NXN: variants seen among roughly 807,000 people sequenced by gnomAD.
The protein encoded by NXN is nucleoredoxin 1.
NXN carries 16 observed loss-of-function variants against 48.6 expected under a neutral mutation model. That is an observed-to-expected ratio of 0.33 (90% CI 0.22 to 0.50). The LOEUF (loss-of-function observed/expected upper bound fraction) is 0.50, where lower values mean the gene tolerates loss of function less well. NXN is among the 20% of genes least tolerant of loss of function. NXN has a pLI of 0.98. For missense variants in NXN, 492 were observed against 605.5 expected (o/e 0.81, Z 1.97); for synonymous variants, 281 against 269.6 (o/e 1.04, Z -0.41).
intron 5 of NXN, among the ~76,000 whole-genome samples, chr17:812,662 A>G (rs1912156967): frequency 6.8e-6 from 1 of 146,896 alleles, no homozygotes; most frequent in African/African-American, 2.6e-5. Context: ...GTGTGACTGT[A>G]GGTGTGTGTG....
Position 956,145 on chromosome 17 carries a change from C to T in NXN, c.360+23174G>A, listed in dbSNP as rs577783959. On this transcript the variant is annotated intron_variant, in intron 1 of 7. Coordinates refer to ENST00000336868, the MANE Select transcript of NXN (RefSeq NM_022463.5). The surrounding 1 kb of genome is among the most constrained non-coding windows in gnomAD (Gnocchi z 4.1). ...GACAGCACCAATAAACACTGAGACT[C>T]ACCTTTCTGCTTGGAATTCCAAACC... Among the ~76,000 whole-genome samples the T allele has an allele frequency of 8.5e-5, 13 of 152,256 alleles. No homozygotes were observed. The highest frequency in any genetic ancestry group is 8.5e-4 in the Admixed American group (13 of 15,282).
intron 1 of NXN, among the ~76,000 whole-genome samples, chr17:914,493 G>A (rs74251949): frequency 0.017 from 2,601 of 152,260 alleles, 77 homozygotes; most frequent in East Asian, 0.14. Context: ...TTTTTAAGGC[G>A]AGAAGTATGC....
chr17:893,376 C>A (rs1246126665), intron 1 of NXN, among the ~76,000 whole-genome samples: 2 of 152,230 alleles, frequency 1.3e-5, no homozygotes, highest in Non-Finnish European at 2.9e-5. Context: ...TCCTCCGGTC[C>A]CAGCTTAAAA....
chr17:809,026 G>A (rs1464617879), intron 5 of NXN, among the ~76,000 whole-genome samples: 1 of 151,914 alleles, frequency 6.6e-6, no homozygotes, highest in African/African-American at 2.4e-5. Context: ...TCGTGAGAAG[G>A]CAGACATACG....
chr17:900,836 G>T lies in NXN; in HGVS notation c.361-74758C>A, dbSNP rs140948960. On this transcript the variant is annotated intron_variant, in intron 1 of 7. Transcript: ENST00000336868. ...GACGTTATAAATGACCCAATCTGCA[G>T]GGCTGGAAGCATCTTCTGGGAGGCA... 5.4e-4 allele frequency among the ~76,000 whole-genome samples: 82 copies of T among 151,834 alleles called. 1 individual carries two copies. The highest frequency in any genetic ancestry group is 1.9e-3 in the African/African-American group (80 of 41,446).
At chr17:863,312 T>C (rs994815748) in intron 1 of NXN, among the ~76,000 whole-genome samples, 9 of 150,342 alleles carry the variant, frequency 6.0e-5, no homozygotes, top group Admixed American at 4.6e-4. Context: ...GAACTACAGG[T>C]GCCCGCCACC....
At position 825,858 on chromosome 17, in the gene NXN, T is replaced by G; in HGVS notation, c.478+103A>C. On this transcript the variant is annotated intron_variant, in intron 2 of 7. Transcript: ENST00000336868. This position sits in a 1 kb window ranked among gnomAD's most constrained non-coding sequence, Gnocchi z 4.1. ...ACCACGTAAACCCACGTGTATCTAT[T>G]TCACCAGTACTCTCTCCACCGGTGG... The G allele has an allele frequency of 1.4e-6, 1 of 725,908 alleles. No homozygotes were observed. Among genetic ancestry groups the G allele is most frequent in the Non-Finnish European group, 2.4e-6 (1 of 418,632 alleles). 45.0% of individuals were successfully genotyped at this position (725,908 alleles called of 1,614,324 possible). A position where few individuals can be genotyped will look rare whatever the true frequency, so the allele number is the denominator to read the frequency against.
chr17:965,058 G>C (rs764414897), intron 1 of NXN, among the ~76,000 whole-genome samples: 20 of 152,168 alleles, frequency 1.3e-4, no homozygotes, highest in Admixed American at 1.2e-3. Flanking sequence ...TGGACAAATG[G>C]GGGACTCTCA....
In NXN at chr17:902,407, C is replaced by T. The variant is rs114170704; in HGVS notation, c.361-76329G>A. On this transcript the variant is annotated intron_variant, in intron 1 of 7. Transcript: ENST00000336868. ...ACCTGAAAATCACGGTGAAGGTCCT[C>T]GGGACATCTACATCGAGGCAGAAAC... is the stretch of plus-strand genomic sequence containing the variant. 7.6e-3 allele frequency among the ~76,000 whole-genome samples: 1,157 copies of T among 152,210 alleles called. 18 individuals are homozygous for T. The highest frequency in any genetic ancestry group is 0.026 in the African/African-American group (1,086 of 41,532).
At chr17:835,519 G>A (rs1184246657) in intron 1 of NXN, among the ~76,000 whole-genome samples, 1 of 152,214 alleles carries the variant, frequency 6.6e-6, no homozygotes, top group East Asian at 1.9e-4. Context: ...CCGCCTGGCA[G>A]TGGGTTCTGC....
intron 1 of NXN, among the ~76,000 whole-genome samples, chr17:835,137 T>C (rs546625564): frequency 1.7e-4 from 26 of 150,966 alleles, no homozygotes; most frequent in East Asian, 6.0e-4. Context: ...TGAAACCCTG[T>C]CTCTACTAAA....
At position 978,815 on chromosome 17, in the gene NXN, G is replaced by A. The variant is rs2150650123; in HGVS notation, c.360+504C>T. On this transcript the variant is annotated intron_variant, in intron 1 of 7. Transcript: ENST00000336868. The surrounding 1 kb of genome is among the most constrained non-coding windows in gnomAD (Gnocchi z 4.1). Reference sequence around the variant, plus strand: ...AGAAAGGAAACGCGCTGGTTTGGGCGCCACGGGCGGGGGGCGTGCGCCCTC... The same window carrying A: ...AGAAAGGAAACGCGCTGGTTTGGGCACCACGGGCGGGGGGCGTGCGCCCTC... Among the ~76,000 whole-genome samples, 1 of 152,108 alleles carries A rather than the reference G, an allele frequency of 6.6e-6. No individual in the cohort carries two copies. Among genetic ancestry groups the A allele is most frequent in the African/African-American group, 2.4e-5 (1 of 41,528 alleles).
chr17:844,379 G>C (rs1035885120), intron 1 of NXN, among the ~76,000 whole-genome samples: 3 of 145,346 alleles, frequency 2.1e-5, no homozygotes, highest in African/African-American at 7.5e-5. Context: ...TAGCTGGAAG[G>C]TGGAGACCAG....
At position 900,229 on chromosome 17, in the gene NXN, G is replaced by A. The variant is rs531782141; in HGVS notation, c.361-74151C>T. ...TGTGGTGAGCCAAGATTGCGCCATT[G>A]CACTCCAGCCTGGGCAACAAGACCG... On this transcript the variant is annotated intron_variant, in intron 1 of 7. Transcript: ENST00000336868. Among the ~76,000 whole-genome samples the A allele has an allele frequency of 1.6e-3, 242 of 152,156 alleles. 2 individuals carry two copies. Among genetic ancestry groups the A allele is most frequent in the African/African-American group, 4.7e-3 (197 of 41,502 alleles).
At chr17:804,948 G>A in intron 6 of NXN, 120 bp downstream of exon 6, 1 of 1,083,820 alleles carries the variant, frequency 9.2e-7, no homozygotes, top group Non-Finnish European at 1.3e-6. Context: ...GAGAGACAAA[G>A]GCCCAGGCTT....
At chr17:887,837 G>A (rs975050140) in intron 1 of NXN, among the ~76,000 whole-genome samples, 4 of 152,252 alleles carry the variant, frequency 2.6e-5, no homozygotes, top group Middle Eastern at 3.4e-3. Flanking sequence ...ATTCCCATTC[G>A]ATGGAAAAGA....
intron 1 of NXN, chr17:933,492 C>A (rs1379818495): frequency 6.6e-6 from 1 of 152,016 alleles, no homozygotes; most frequent in East Asian, 1.9e-4. Flanking sequence ...AAATCCCAGC[C>A]AAAATGAGGG....
intron 1 of NXN, among the ~76,000 whole-genome samples, chr17:843,867 G>A (rs566882986): frequency 6.6e-6 from 1 of 152,296 alleles, no homozygotes; most frequent in South Asian, 2.1e-4. Context: ...TTCACAAAGA[G>A]AAACAAATCT....
intron 5 of NXN, among the ~76,000 whole-genome samples, chr17:812,280 C>G (rs962143530): frequency 3.3e-5 from 5 of 152,198 alleles, no homozygotes; most frequent in Non-Finnish European, 7.3e-5. Context: ...TCACATGACT[C>G]AATCCACAAA....
Sources: gnomAD v4.1 joint callset for allele counts (sites outside exome capture counted in the v4.1 genomes callset) on GRCh38, gnomAD v4.1.1 for gene constraint, Gnocchi (gnomAD v3.1) non-coding constraint, MANE v1.5 for transcripts, NCBI Gene and HGNC (gene_info 2026-07-23, HGNC 2026-07-21) for gene names.